Variants in PHTF2 observed in about 807,000 individuals in gnomAD.
PHTF2 encodes putative homeodomain transcription factor 2.
In PHTF2, 60 loss-of-function variants were observed where a neutral mutation model predicts 101.2. That is an observed-to-expected ratio of 0.59 (90% CI 0.48 to 0.73). The LOEUF is 0.73. PHTF2 is among the 30% of genes least tolerant of loss of function. The probability of loss-of-function intolerance (pLI) is 0.00; values close to 1 mark genes in which losing one functional copy is unlikely to be tolerated. For synonymous variants in PHTF2, 311 were observed against 307.3 expected (o/e 1.01, Z -0.13); for missense variants, 747 against 908.7 (o/e 0.82, Z 2.29).
At chr7:77,939,304 A>G (rs949549110) in intron 13 of PHTF2, among the ~76,000 whole-genome samples, 2 of 152,150 alleles carry the variant, frequency 1.3e-5, no homozygotes, top group African/African-American at 4.8e-5. Context: ...ATATTGGACT[A>G]TTCAAAGAGA....
intron 18 of PHTF2, among the ~76,000 whole-genome samples, chr7:77,952,818 C>A (rs961582246): frequency 6.6e-6 from 1 of 152,138 alleles, no homozygotes; most frequent in East Asian, 1.9e-4. Context: ...TAACATAGAT[C>A]GTACCTTCTT....
intron 3 of PHTF2, among the ~76,000 whole-genome samples, chr7:77,891,877 T>C (rs956185347): frequency 1.3e-5 from 2 of 152,170 alleles, no homozygotes; most frequent in African/African-American, 4.8e-5. Context: ...AGAGCCACTC[T>C]GCACTCAGCC....
intron 1 of PHTF2, among the ~76,000 whole-genome samples, chr7:77,804,501 T>C (rs995839467): frequency 1.9e-4 from 29 of 152,196 alleles, no homozygotes; most frequent in African/African-American, 7.0e-4. Context: ...AATTTTTGTA[T>C]TTTTAGTAGA....
chr7:77,840,294 A>G (rs1795769973), exon 2 of PHTF2: 18 of 1,603,826 alleles, frequency 1.1e-5, no homozygotes, highest in Non-Finnish European at 1.5e-5. Context: ...TCTGGTATCA[A>G]AAGAAGGTAA....
intron 3 of PHTF2, among the ~76,000 whole-genome samples, chr7:77,882,204 G>A (rs1009795727): frequency 6.6e-6 from 1 of 152,020 alleles, no homozygotes; most frequent in Non-Finnish European, 1.5e-5. Flanking sequence ...TGGAATCTTT[G>A]ATAACTAGCT....
intron 3 of PHTF2, among the ~76,000 whole-genome samples, chr7:77,892,680 A>G (rs550186156): frequency 6.6e-6 from 1 of 152,338 alleles, no homozygotes; most frequent in Admixed American, 6.5e-5. Context: ...ATTAAGTGGA[A>G]ACTGGAGACA....
chr7:77,820,548 G>A (rs1197132775), intron 1 of PHTF2, among the ~76,000 whole-genome samples: 2 of 151,674 alleles, frequency 1.3e-5, no homozygotes, highest in African/African-American at 2.4e-5. Flanking sequence ...GTGTGTTTGT[G>A]TATACGTATA....
intron 3 of PHTF2, among the ~76,000 whole-genome samples, chr7:77,882,777 G>C (rs1411280593): frequency 6.6e-6 from 1 of 152,090 alleles, no homozygotes; most frequent in Admixed American, 6.5e-5. Context: ...TGAAAGAGTT[G>C]CTAGCTTTGG....
At chr7:77,949,943 T>C in intron 17 of PHTF2, 110 bp downstream of exon 16, 1 of 581,698 alleles carries the variant, frequency 1.7e-6, no homozygotes, top group South Asian at 3.2e-5. Context: ...TCATTTGTGC[T>C]ATAAAGCAAA....
At chr7:77,905,805 A>G (rs1801801834) in intron 7 of PHTF2, among the ~76,000 whole-genome samples, 1 of 152,044 alleles carries the variant, frequency 6.6e-6, no homozygotes. Flanking sequence ...GCCTACTCCT[A>G]GAGTTCCCCT....
chr7:77,812,756 A>AT, intron 1 of PHTF2, among the ~76,000 whole-genome samples: 1 of 152,030 alleles, frequency 6.6e-6, no homozygotes, highest in East Asian at 1.9e-4. Context: ...CGCCCAGCTG[A>AT]TTTTTTGTGT....
At chr7:77,834,643 ATC>A (rs1267640751) in intron 1 of PHTF2, among the ~76,000 whole-genome samples, 1 of 152,200 alleles carries the variant, frequency 6.6e-6, no homozygotes, top group Non-Finnish European at 1.5e-5. Flanking sequence ...GTTGTGGAAT[ATC>A]TGGCTAGATG....
chr7:77,851,313 T>A (rs1407212294), intron 2 of PHTF2, among the ~76,000 whole-genome samples: 1 of 152,200 alleles, frequency 6.6e-6, no homozygotes, highest in Non-Finnish European at 1.5e-5. Context: ...GATTTTGGAT[T>A]TCTTCATGGT....
chr7:77,929,314 A>G (rs764042805), exon 12 of PHTF2: 2 of 1,588,736 alleles, frequency 1.3e-6, no homozygotes, highest in Non-Finnish European at 1.7e-6. Context: ...TATAGAGATG[A>G]CCCTTTTCAT....
intron 1 of PHTF2, among the ~76,000 whole-genome samples, chr7:77,826,184 G>A (rs1407049629): frequency 6.6e-6 from 1 of 151,938 alleles, no homozygotes; most frequent in Non-Finnish European, 1.5e-5. Flanking sequence ...TTGTTATCCT[G>A]GCCAAAAAGA....
At chr7:77,828,856 A>G (rs913565556) in intron 1 of PHTF2, among the ~76,000 whole-genome samples, 2 of 151,516 alleles carry the variant, frequency 1.3e-5, no homozygotes, top group African/African-American at 2.4e-5. Flanking sequence ...TGACAGGGCG[A>G]GACTCCATCT....
At chr7:77,947,289 C>T (rs1208578655) in intron 16 of PHTF2, among the ~76,000 whole-genome samples, 4 of 152,084 alleles carry the variant, frequency 2.6e-5, no homozygotes, top group Non-Finnish European at 4.4e-5. Flanking sequence ...AGGCTGAGCG[C>T]GGTGGCTCAC....
chr7:77,877,943 G>T (rs1022223634), intron 3 of PHTF2, among the ~76,000 whole-genome samples: 1 of 152,004 alleles, frequency 6.6e-6, no homozygotes, highest in Non-Finnish European at 1.5e-5. Context: ...AATCACTGTT[G>T]GGGGAAGGGG....
chr7:77,925,811 A>ACTTTGGGAGG (rs1331477497), intron 11 of PHTF2, among the ~76,000 whole-genome samples: 1 of 152,082 alleles, frequency 6.6e-6, no homozygotes, highest in African/African-American at 2.4e-5. Flanking sequence ...TAATCGCAGC[A>ACTTTGGGAGG]CTTTGGGAGG....
Sources: gnomAD v4.1 joint callset for allele counts (sites outside exome capture counted in the v4.1 genomes callset) on GRCh38, gnomAD v4.1.1 for gene constraint, MANE v1.5 for transcripts, NCBI Gene and HGNC (gene_info 2026-07-23, HGNC 2026-07-21) for gene names.